The following GATAD1 variants were observed in gnomAD, a reference collection of about 807,000 sequenced individuals.
GATAD1 encodes the protein GATA zinc finger domain-containing protein 1.
GATAD1 carries 12 observed loss-of-function variants against 26.5 expected under a neutral mutation model. That is an observed-to-expected ratio of 0.45 (90% CI 0.29 to 0.73). GATAD1 has a LOEUF of 0.73. GATAD1 is among the 30% of genes least tolerant of loss of function. GATAD1 has a pLI of 0.10. For missense variants in GATAD1, 266 were observed against 342.1 expected (o/e 0.78, Z 1.75); for synonymous variants, 129 against 133.1 (o/e 0.97, Z 0.21).
intron 2 of GATAD1, chr7:92,449,666 C>A: frequency 1.1e-6 from 1 of 903,786 alleles, no homozygotes; most frequent in South Asian, 5.1e-5. Context: ...AGATGGCAGA[C>A]TATTTTCTTT....
chr7:92,484,692 T>A, the GATAD1 span, among the ~76,000 whole-genome samples: 1 of 152,168 alleles, frequency 6.6e-6, no homozygotes, highest in East Asian at 1.9e-4. Flanking sequence ...GTGAAAAGAC[T>A]GCTTACCTGA....
At chr7:92,485,153 A>G in the GATAD1 span, among the ~76,000 whole-genome samples, 60 of 152,290 alleles carry the variant, frequency 3.9e-4, no homozygotes, top group South Asian at 6.4e-3. Flanking sequence ...GAATGTCATC[A>G]GTTAAGGCAG....
Position 92,454,495 on chromosome 7 carries a change from C to T in GATAD1, c.436-7C>T, listed in dbSNP as rs373528467. Reference sequence around the variant, plus strand: ...TTCAATGTGGGATTATCTTCTGTTTCCCCCAGGGAGTATATTACCAAATTG... The same window carrying T: ...TTCAATGTGGGATTATCTTCTGTTTTCCCCAGGGAGTATATTACCAAATTG... On this transcript the variant is annotated splice_polypyrimidine_tract_variant and splice_region_variant and intron_variant, in intron 3 of 4. Coordinates refer to ENST00000287957, the MANE Select transcript of GATAD1 (RefSeq NM_021167.5). The T allele has an allele frequency of 1.3e-6, 2 of 1,592,882 alleles. No individual in the cohort carries two copies. The highest frequency in any genetic ancestry group is 1.7e-5 in the Admixed American group (1 of 59,888).
chr7:92,480,046 G>C, the GATAD1 span, among the ~76,000 whole-genome samples: 1 of 152,060 alleles, frequency 6.6e-6, no homozygotes, highest in African/African-American at 2.4e-5. Context: ...AGTTTGGTGG[G>C]GTGTGTTTTT....
At chr7:92,461,533 CATT>C (rs1789922523), downstream of GATAD1, 1 of 152,160 alleles carries the variant, frequency 6.6e-6, no homozygotes. Flanking sequence ...TACTGTTTCT[CATT>C]ATAAACTGTT....
At chr7:92,491,252 A>G in the GATAD1 span, 22 of 1,461,780 alleles carry the variant, frequency 1.5e-5, no homozygotes, top group Non-Finnish European at 2.1e-5. Context: ...GAACTGTATA[A>G]TGATGACTGC....
the GATAD1 span, among the ~76,000 whole-genome samples, chr7:92,465,679 G>A: frequency 6.6e-6 from 1 of 151,896 alleles, no homozygotes; most frequent in Non-Finnish European, 1.5e-5. Flanking sequence ...TGACAGACTG[G>A]CATGAAGTAA....
At chr7:92,482,272 AG>A in the GATAD1 span, among the ~76,000 whole-genome samples, 2 of 152,192 alleles carry the variant, frequency 1.3e-5, no homozygotes, top group African/African-American at 4.8e-5. Context: ...AGCATCTTTA[AG>A]ATCAAGAACG....
the GATAD1 span, among the ~76,000 whole-genome samples, chr7:92,467,066 C>G: frequency 1.3e-5 from 2 of 151,686 alleles, no homozygotes; most frequent in African/African-American, 4.8e-5. Flanking sequence ...GCTTTTAATC[C>G]CAGCACTTTG....
rs778197140 is a variant in GATAD1 at position 92,456,398 on chromosome 7, A to T, written c.646A>T (p.Met216Leu). ...GCCAGAGGAAGATCTTCCAAGGAAG[A>T]TGGAATACTTGGAATTTGTTTGTCA... ...IGPEEDLPRKMEYLEFVCHAP... is the reference protein window; with the variant it reads ...IGPEEDLPRKLEYLEFVCHAP... The change falls in exon 5 of 5, where the codon ATG becomes TTG. Residue 216 changes from methionine (M) to leucine (L), a missense_variant. By Grantham distance (15) the Met-to-Leu change is conservative (BLOSUM62 2). Transcript: ENST00000287957. 5.0e-6 allele frequency: 8 copies of T among 1,611,652 alleles called. No individual in the cohort carries two copies. The African/African-American group carries it at 1.1e-4, about 22-fold the overall frequency.
the GATAD1 span, among the ~76,000 whole-genome samples, chr7:92,466,174 AT>A: frequency 6.7e-6 from 1 of 149,662 alleles, no homozygotes; most frequent in Admixed American, 6.7e-5. Context: ...CAGCAATTTT[AT>A]TTTTTTTTTG....
intron 3 of GATAD1, among the ~76,000 whole-genome samples, chr7:92,453,831 G>T (rs573470744): frequency 4.6e-5 from 7 of 152,126 alleles, no homozygotes; most frequent in African/African-American, 1.2e-4. Context: ...TCAGCAAGCC[G>T]TTTAACCTTA....
chr7:92,480,714 C>T, the GATAD1 span, among the ~76,000 whole-genome samples: 1 of 152,090 alleles, frequency 6.6e-6, no homozygotes, highest in Non-Finnish European at 1.5e-5. Flanking sequence ...AAAAACTGGC[C>T]ATGAGGGACA....
At chr7:92,489,658 G>A in the GATAD1 span, 12 of 1,478,996 alleles carry the variant, frequency 8.1e-6, no homozygotes, top group Non-Finnish European at 1.1e-5. Context: ...ATATCAAAAG[G>A]GTGAAACAAT....
the GATAD1 span, chr7:92,477,839 G>C: frequency 6.0e-6 from 1 of 167,758 alleles, no homozygotes; most frequent in Admixed American, 6.4e-5. Flanking sequence ...AGCTCAGCTC[G>C]AGCCGTAAGA....
At chr7:92,493,129 C>A in the GATAD1 span, 2 of 1,556,558 alleles carry the variant, frequency 1.3e-6, no homozygotes, top group South Asian at 1.2e-5. Context: ...AGACGTGACA[C>A]CTGAAAGGAG....
At chr7:92,469,181 C>T in the GATAD1 span, 1 of 720,290 alleles carries the variant, frequency 1.4e-6, no homozygotes. Context: ...CATTCTTCCC[C>T]TAAAAATAAA....
At chr7:92,479,834 C>G in the GATAD1 span, among the ~76,000 whole-genome samples, 9 of 151,992 alleles carry the variant, frequency 5.9e-5, 1 homozygote, top group Admixed American at 6.6e-5. Context: ...TTGGTGATGG[C>G]CTGGATGCGG....
At chr7:92,469,197 T>C in the GATAD1 span, 1 of 739,144 alleles carries the variant, frequency 1.4e-6, no homozygotes, top group Non-Finnish European at 2.5e-6. Flanking sequence ...ATAAACAGGT[T>C]CCCCCTCTTT....
Sources: allele counts gnomAD v4.1 joint callset (sites outside exome capture counted in the v4.1 genomes callset), GRCh38; gene constraint gnomAD v4.1.1; transcripts MANE v1.5; gene names NCBI Gene and HGNC (gene_info 2026-07-23, HGNC 2026-07-21).